The following SYNJ2 variants were observed in gnomAD, a reference collection of about 807,000 sequenced individuals.
SYNJ2 encodes the protein polyphosphatidylinositol phosphatase SYNJ2.
In SYNJ2, 116 loss-of-function variants were observed where a neutral mutation model predicts 141.3. That is an observed-to-expected ratio of 0.82 (90% CI 0.71 to 0.96). The LOEUF is 0.96. SYNJ2 is among the 40% of genes least tolerant of loss of function. The probability of loss-of-function intolerance (pLI) is 0.00; values close to 1 mark genes in which losing one functional copy is unlikely to be tolerated. For synonymous variants in SYNJ2, 745 were observed against 777.7 expected, an observed-to-expected ratio of 0.96 and a Z score of 0.70; for missense variants, 1,873 against 1,934.8, an observed-to-expected ratio of 0.97 and a Z score of 0.60.
Position 158,063,864 on chromosome 6 carries a change from G to T in SYNJ2, c.1201G>T (p.Ala401Ser). The T allele has an allele frequency of 1.2e-6, 2 of 1,613,400 alleles. No individual in the cohort carries two copies. The highest frequency in any genetic ancestry group is 2.2e-5 in the South Asian group (2 of 91,064). The change falls in exon 9 of 27, where the codon GCG (alanine) becomes TCG (serine). Residue 401 changes from alanine (A) to serine (S), a missense_variant. Ala to Ser is a moderately conservative substitution (Grantham distance 99). Transcript: ENST00000355585. ...AACCAACACTGTGCAGAGCTTCATC[G>T]CGCTCGAGGTGCGTCCCTGCCACAG... ...DRTNTVQSFI[A>S]LEVLHLQLKT...
intron 2 of SYNJ2, among the ~76,000 whole-genome samples, chr6:158,019,455 G>A (rs1021636196): frequency 1.3e-5 from 2 of 152,206 alleles, no homozygotes; most frequent in African/African-American, 4.8e-5. Context: ...TGGGAAATTG[G>A]TCCTAACCAG....
intron 1 of SYNJ2, among the ~76,000 whole-genome samples, chr6:157,999,109 C>T (rs896495413): frequency 5.9e-5 from 9 of 152,182 alleles, no homozygotes; most frequent in Non-Finnish European, 1.3e-4. Flanking sequence ...GAAGGAAGGA[C>T]AAATAGTTCA....
chr6:158,069,694 C>G, intron 14 of SYNJ2, 21 bp downstream of exon 14: 1 of 1,594,728 alleles, frequency 6.3e-7, no homozygotes, highest in Non-Finnish European at 8.6e-7. Context: ...TCTGTTTACA[C>G]ACATCTGGGG....
chr6:158,083,647 G>A, intron 21 of SYNJ2, 50 bp downstream of exon 21: 9 of 1,608,744 alleles, frequency 5.6e-6, no homozygotes, highest in Non-Finnish European at 7.6e-6. Context: ...CTAGCAACAG[G>A]CCTGAGCTTT....
In SYNJ2 at chr6:158,036,116, C is replaced by CG. The variant is rs1049102368; in HGVS notation, c.711+2436_711+2437insG. Among the ~76,000 whole-genome samples the CG allele has an allele frequency of 6.6e-5, 10 of 152,286 alleles. No individual in the cohort carries two copies. The South Asian group carries it at 1.0e-3, about 16-fold the overall frequency. On this transcript the variant is annotated intron_variant, in intron 4 of 26. Coordinates refer to ENST00000355585, the MANE Select transcript of SYNJ2 (RefSeq NM_003898.4). ...AATCAAAGCCACAATGAGCTACCCC[C>CG]TCACACAAGTCAAATGGCTATTATT...
chr6:157,994,844 G>A (rs1777582342), intron 1 of SYNJ2, among the ~76,000 whole-genome samples: 2 of 152,214 alleles, frequency 1.3e-5, no homozygotes, highest in South Asian at 4.1e-4. Flanking sequence ...TTTCCATGAG[G>A]ATGTTGAAAA....
At chr6:158,085,908 G>A (rs529370024) in intron 22 of SYNJ2, among the ~76,000 whole-genome samples, 1 of 152,110 alleles carries the variant, frequency 6.6e-6, no homozygotes, top group East Asian at 1.9e-4. Flanking sequence ...GTGGCTGGAG[G>A]GATGTGCTCT....
chr6:158,027,282 T>C lies in SYNJ2; in HGVS notation c.215-1474T>C. 1 of 850,154 alleles carries C rather than the reference T, an allele frequency of 1.2e-6. No homozygotes were observed. Among genetic ancestry groups the C allele is most frequent in the Middle Eastern group, 6.1e-4 (1 of 1,652 alleles). The allele number at this position is 850,154 out of a possible 1,614,324, so 52.7% of individuals were successfully genotyped here. A position where few individuals can be genotyped will look rare whatever the true frequency, so the allele number is the denominator to read the frequency against. ...GGCTGTAGACAGCGGCCCTTGATCA[T>C]TCACAGAAGATCTCGCTGGGCGGAT... On this transcript the variant is annotated intron_variant, in intron 2 of 26. Transcript: ENST00000355585. This position sits in a 1 kb window ranked among gnomAD's most constrained non-coding sequence, Gnocchi z 4.6.
At chr6:158,086,829 T>G in intron 22 of SYNJ2, 26 bp from the exon 23 acceptor site, 1 of 1,609,844 alleles carries the variant, frequency 6.2e-7, no homozygotes, top group Non-Finnish European at 8.5e-7. Flanking sequence ...CAGACCATTG[T>G]ACTCATGCCC....
At position 158,043,549 on chromosome 6, in the gene SYNJ2, T is replaced by C. The variant is rs770305416; in HGVS notation, c.795+150T>C. ...AGCCCTGTTGTGTTGAGCTGAGCTA[T>C]CAAAGTGTGCACACGTGTGTGCATA... is the stretch of plus-strand genomic sequence containing the variant. On this transcript the variant is annotated intron_variant, in intron 5 of 26. Transcript: ENST00000355585. This position sits in a 1 kb window ranked among gnomAD's most constrained non-coding sequence, Gnocchi z 4.0. 263 of 622,292 alleles carry C rather than the reference T, an allele frequency of 4.2e-4. 1 individual carries two copies. Among genetic ancestry groups the C allele is most frequent in the Non-Finnish European group, 6.8e-4 (241 of 351,842 alleles). 38.5% of individuals were successfully genotyped at this position (622,292 alleles called of 1,614,324 possible).
intron 1 of SYNJ2, among the ~76,000 whole-genome samples, chr6:158,012,506 C>T (rs2128325504): frequency 1.3e-5 from 2 of 152,322 alleles, no homozygotes; most frequent in South Asian, 4.1e-4. Flanking sequence ...TCCAGGCAGC[C>T]TCTGGGAGCT....
In SYNJ2 at chr6:158,071,795, G is replaced by C; in HGVS notation, c.2133+1G>C. ...CACCCAGAAACTCTGCTTCCCAATGGTGAGCGGCGCCGTGGGGACAGCCAG... is the reference window on the plus strand; with the variant it reads ...CACCCAGAAACTCTGCTTCCCAATGCTGAGCGGCGCCGTGGGGACAGCCAG... On this transcript the variant is annotated splice_donor_variant, in intron 15 of 26. Coordinates refer to ENST00000355585, the MANE Select transcript of SYNJ2 (RefSeq NM_003898.4). LOFTEE classifies it high-confidence loss of function. This position sits in a 1 kb window ranked among gnomAD's most constrained non-coding sequence, Gnocchi z 4.3. The C allele has an allele frequency of 6.2e-7, 1 of 1,612,746 alleles. No homozygotes were observed. The highest frequency in any genetic ancestry group is 8.5e-7 in the Non-Finnish European group (1 of 1,179,828).
In SYNJ2 at chr6:158,064,921, G is replaced by T. The variant is rs201803917; in HGVS notation, c.1455G>T (p.Leu485=). 2.7e-5 allele frequency: 43 copies of T among 1,613,760 alleles called. No homozygotes were observed. In the Admixed American group the frequency reaches 7.0e-4, roughly 26 times the overall value. ...AGCAGGAGGCCATCAAGCTGCTGCTGGTTGGGGACGTCTACGGCGAGGAGG... is the reference window on the plus strand; with the variant it reads ...AGCAGGAGGCCATCAAGCTGCTGCTTGTTGGGGACGTCTACGGCGAGGAGG... ...GVKQEAIKLL[L]VGDVYGEEVA... Residue 485 remains leucine (L), a synonymous_variant, in exon 11 of 27, where the codon CTG becomes CTT. Coordinates refer to ENST00000355585, the MANE Select transcript of SYNJ2 (RefSeq NM_003898.4).
chr6:157,996,179 C>CA, intron 1 of SYNJ2, among the ~76,000 whole-genome samples: 1 of 152,314 alleles, frequency 6.6e-6, no homozygotes, highest in East Asian at 1.9e-4. Context: ...ATGGCAGCAC[C>CA]ATCCAGGCAA....
intron 15 of SYNJ2, 82 bp from the exon 16 acceptor site, chr6:158,074,498 G>T: frequency 2.1e-6 from 3 of 1,437,962 alleles, no homozygotes; most frequent in Admixed American, 2.2e-5. Context: ...ACTCCTGCTT[G>T]CCCCAGTGAG....
At chr6:158,019,136 A>G (rs779400882) in intron 2 of SYNJ2, among the ~76,000 whole-genome samples, 1 of 152,226 alleles carries the variant, frequency 6.6e-6, no homozygotes, top group Non-Finnish European at 1.5e-5. Flanking sequence ...GATGCCTCAC[A>G]GTCTTGGCTT....
chr6:158,071,595 G>A lies in SYNJ2; in HGVS notation c.1941-7G>A. Reference sequence around the variant, plus strand: ...GCCGACGGCATGCGCGTATCCTTCTGTTCCAGGGACGTAGCCATCGACACA... The same window carrying A: ...GCCGACGGCATGCGCGTATCCTTCTATTCCAGGGACGTAGCCATCGACACA... On this transcript the variant is annotated splice_region_variant and splice_polypyrimidine_tract_variant and intron_variant, in intron 14 of 26. Coordinates refer to ENST00000355585, the MANE Select transcript of SYNJ2 (RefSeq NM_003898.4). This position sits in a 1 kb window ranked among gnomAD's most constrained non-coding sequence, Gnocchi z 4.3. 2 of 1,613,288 alleles carry A rather than the reference G, an allele frequency of 1.2e-6. No individual in the cohort carries two copies. Among genetic ancestry groups the A allele is most frequent in the Non-Finnish European group, 1.7e-6 (2 of 1,179,706 alleles).
In SYNJ2 at chr6:158,069,663, C is replaced by G. The variant is rs1781791833; in HGVS notation, c.1930C>G (p.Pro644Ala). 1.9e-6 allele frequency: 3 copies of G among 1,612,422 alleles called. No homozygotes were observed. The highest frequency in any genetic ancestry group is 2.5e-6 in the Non-Finnish European group (3 of 1,178,902). The change falls in exon 14 of 27, where the codon CCG becomes GCG. Residue 644 changes from proline to alanine, a missense_variant. By Grantham distance (27) the Pro-to-Ala change is conservative (BLOSUM62 -1). Coordinates refer to ENST00000355585, the MANE Select transcript of SYNJ2 (RefSeq NM_003898.4). ...LYIFVRPYHV[P>A]FIRDVAIDTV... The stretch of plus-strand genomic sequence containing the variant: ...TATCTTTGTACGTCCATACCATGTC[C>G]CGTTCATCAGGTAAGAACATTCTGT...
At chr6:158,067,982 G>A (rs1354265567) in intron 12 of SYNJ2, 2 of 985,118 alleles carry the variant, frequency 2.0e-6, no homozygotes, top group Non-Finnish European at 2.4e-6. Context: ...CATGTTTTTA[G>A]CAAGCTGGCT....
Sources: allele counts gnomAD v4.1 joint callset (sites outside exome capture counted in the v4.1 genomes callset), GRCh38; gene constraint gnomAD v4.1.1; non-coding constraint Gnocchi (gnomAD v3.1); transcripts MANE v1.5; gene names NCBI Gene and HGNC (gene_info 2026-07-23, HGNC 2026-07-21).